Variants in CHST9 observed in about 807,000 individuals in gnomAD.
CHST9 encodes GalNAc-4-sulfotransferase 2.
Under a neutral mutation model 44.4 loss-of-function variants are expected in CHST9, and 41 were observed. The ratio of observed to expected loss-of-function variants is 0.92; its 90% CI spans 0.72 to 1.20. The LOEUF (loss-of-function observed/expected upper bound fraction) is 1.20, where lower values mean the gene tolerates loss of function less well. CHST9 is among the 50% of genes most tolerant of loss of function. CHST9 has a pLI of 0.00. For synonymous variants in CHST9, 171 were observed against 178.4 expected, an observed-to-expected ratio of 0.96 and a Z score of 0.33; for missense variants, 504 against 516.5, an observed-to-expected ratio of 0.98 and a Z score of 0.23.
chr18:27,183,276 A>G (rs1379095417), intron 1 of CHST9, among the ~76,000 whole-genome samples: 2 of 152,204 alleles, frequency 1.3e-5, no homozygotes, highest in Non-Finnish European at 2.9e-5. Flanking sequence ...TTGAGTCAAC[A>G]TTGGATACCA....
At chr18:26,995,057 TCCCA>T (rs747613312) in intron 4 of CHST9, among the ~76,000 whole-genome samples, 20 of 151,058 alleles carry the variant, frequency 1.3e-4, no homozygotes, top group Non-Finnish European at 2.5e-4. Context: ...CTGCGGAGGG[TCCCA>T]TGTGACTGAG....
At chr18:27,054,992 T>G (rs2057637932) in intron 2 of CHST9, among the ~76,000 whole-genome samples, 1 of 152,122 alleles carries the variant, frequency 6.6e-6, no homozygotes, top group African/African-American at 2.4e-5. Context: ...TATAATAAAG[T>G]CTGTTGTGGT....
intron 4 of CHST9, among the ~76,000 whole-genome samples, chr18:26,945,214 T>C (rs1164327356): frequency 6.6e-6 from 1 of 152,172 alleles, no homozygotes; most frequent in East Asian, 1.9e-4. Context: ...AAACTTTAAT[T>C]TTAATTGAAA....
At chr18:27,037,933 T>C (rs1269804676) in intron 3 of CHST9, among the ~76,000 whole-genome samples, 1 of 152,094 alleles carries the variant, frequency 6.6e-6, no homozygotes, top group African/African-American at 2.4e-5. Context: ...CAAGTATGTA[T>C]ATTAAATGCT....
intron 1 of CHST9, among the ~76,000 whole-genome samples, chr18:27,158,954 CTGTT>C (rs1354633616): frequency 2.6e-5 from 4 of 152,256 alleles, no homozygotes; most frequent in Admixed American, 6.5e-5. Flanking sequence ...TTTGATGGGG[CTGTT>C]TGTTTTTTTC....
intron 4 of CHST9, among the ~76,000 whole-genome samples, chr18:26,951,549 C>G (rs1274233334): frequency 5.7e-5 from 6 of 104,976 alleles, no homozygotes; most frequent in African/African-American, 2.4e-4. Flanking sequence ...ATCTGTTGCT[C>G]AAAGTCTTTT....
chr18:27,143,803 G>A (rs1311810394), intron 1 of CHST9, among the ~76,000 whole-genome samples: 3 of 152,002 alleles, frequency 2.0e-5, no homozygotes, highest in Non-Finnish European at 4.4e-5. Flanking sequence ...GGGATGGGGG[G>A]CAAGGGGAGG....
At chr18:27,131,062 A>C (rs747293427) in intron 2 of CHST9, among the ~76,000 whole-genome samples, 1 of 152,252 alleles carries the variant, frequency 6.6e-6, no homozygotes, top group Non-Finnish European at 1.5e-5. Flanking sequence ...AAAGACACAA[A>C]GCAGGTTAGA....
At chr18:27,159,824 C>T (rs532404687) in intron 1 of CHST9, among the ~76,000 whole-genome samples, 66 of 152,268 alleles carry the variant, frequency 4.3e-4, no homozygotes, top group African/African-American at 1.4e-3. Flanking sequence ...AGGTCCTTTA[C>T]GTCCCTTGTA....
chr18:27,183,889 CAGGTGCCA>C (rs2058933556), intron 1 of CHST9, among the ~76,000 whole-genome samples: 1 of 152,100 alleles, frequency 6.6e-6, no homozygotes, highest in Non-Finnish European at 1.5e-5. Context: ...CTGGAATTAA[CAGGTGCCA>C]GCCAACTGAA....
Position 27,008,837 on chromosome 18 carries a change from T to G in CHST9, c.202+15279A>C, listed in dbSNP as rs149601344. Among the ~76,000 whole-genome samples the G allele has an allele frequency of 3.3e-5, 5 of 152,112 alleles. No individual in the cohort carries two copies. The East Asian group carries it at 7.7e-4, about 24-fold the overall frequency. On this transcript the variant is annotated intron_variant, in intron 4 of 5. Coordinates refer to ENST00000618847, the MANE Select transcript of CHST9 (RefSeq NM_031422.6). ...CATTCTTCTGCCATCATCAGGAGAGTTGAATCTTCAGTGGCCCTTCAATCT... is the reference window on the plus strand; with the variant it reads ...CATTCTTCTGCCATCATCAGGAGAGGTGAATCTTCAGTGGCCCTTCAATCT...
intron 2 of CHST9, among the ~76,000 whole-genome samples, chr18:27,050,902 T>C (rs2057558785): frequency 6.6e-6 from 1 of 152,216 alleles, no homozygotes; most frequent in African/African-American, 2.4e-5. Flanking sequence ...GGAGTGTCTT[T>C]AACCTATATT....
chr18:26,917,882 T>TA (rs1279879622), intron 5 of CHST9, among the ~76,000 whole-genome samples: 1 of 151,948 alleles, frequency 6.6e-6, no homozygotes, highest in African/African-American at 2.4e-5. Context: ...TGTATTTTTT[T>TA]TTTCCTGGGA....
intron 2 of CHST9, among the ~76,000 whole-genome samples, chr18:27,060,302 C>G (rs2057706682): frequency 6.6e-6 from 1 of 152,168 alleles, no homozygotes; most frequent in South Asian, 2.1e-4. Context: ...ATAATAGAGA[C>G]ATGGAGGAAG....
rs182723689 is a variant in CHST9, at chr18:27,088,611, C to G, written c.122-40108G>C. 1.2e-4 allele frequency among the ~76,000 whole-genome samples: 19 copies of G among 152,098 alleles called. No homozygotes were observed. In the East Asian group the frequency reaches 3.7e-3, roughly 30 times the overall value. On this transcript the variant is annotated intron_variant, in intron 2 of 5. Coordinates refer to ENST00000618847, the MANE Select transcript of CHST9 (RefSeq NM_031422.6). Reference sequence around the variant, plus strand: ...GGTTTCACCATGTTGGCCAGATGATCTCGATCTCTTGACCTCGTGATCTGC... The same window carrying G: ...GGTTTCACCATGTTGGCCAGATGATGTCGATCTCTTGACCTCGTGATCTGC...
intron 2 of CHST9, among the ~76,000 whole-genome samples, chr18:27,068,671 T>C (rs967173939): frequency 1.3e-5 from 2 of 152,206 alleles, no homozygotes; most frequent in African/African-American, 2.4e-5. Flanking sequence ...CCTATATTCA[T>C]TCACATAGTA....
At chr18:26,919,790 T>C (rs2055612981) in intron 5 of CHST9, among the ~76,000 whole-genome samples, 1 of 152,184 alleles carries the variant, frequency 6.6e-6, no homozygotes, top group Non-Finnish European at 1.5e-5. Context: ...GTTTCTGGAA[T>C]GTTTGTTTCC....
chr18:27,105,550 A>G (rs1048163951), intron 2 of CHST9, among the ~76,000 whole-genome samples: 9 of 152,168 alleles, frequency 5.9e-5, no homozygotes, highest in Non-Finnish European at 1.2e-4. Context: ...GTAGAGGAGA[A>G]GAGAAGAGAA....
intron 2 of CHST9, among the ~76,000 whole-genome samples, chr18:27,132,857 A>C (rs1311181431): frequency 6.6e-6 from 1 of 152,038 alleles, no homozygotes; most frequent in Non-Finnish European, 1.5e-5. Context: ...CCTTTATATA[A>C]CTCTGCTCCT....
Sources: allele counts gnomAD v4.1 joint callset (sites outside exome capture counted in the v4.1 genomes callset), GRCh38; gene constraint gnomAD v4.1.1; transcripts MANE v1.5; gene names NCBI Gene and HGNC (gene_info 2026-07-23, HGNC 2026-07-21).